PRKN: variants seen among roughly 807,000 people sequenced by gnomAD.
The protein encoded by PRKN is parkin RBR E3 ubiquitin protein ligase.
PRKN carries 56 observed loss-of-function variants against 59.5 expected under a neutral mutation model. The ratio of observed to expected loss-of-function variants is 0.94; its 90% CI spans 0.76 to 1.18. The LOEUF (loss-of-function observed/expected upper bound fraction) is 1.18. PRKN is among the 50% of genes most tolerant of loss of function. The pLI, the probability that PRKN is intolerant of heterozygous loss-of-function variation, is 0.00. For missense variants in PRKN, 657 were observed against 596.4 expected (o/e 1.10, Z -1.06); for synonymous variants, 250 against 222.1 (o/e 1.13, Z -1.12).
At chr6:162,500,322 C>T (rs112178642) in intron 1 of PRKN, among the ~76,000 whole-genome samples, 1 of 152,058 alleles carries the variant, frequency 6.6e-6, no homozygotes, top group Non-Finnish European at 1.5e-5. Flanking sequence ...CAGGCGCCCG[C>T]CACCACGCCC....
At chr6:162,572,853 T>C (rs1780399648) in intron 1 of PRKN, among the ~76,000 whole-genome samples, 1 of 150,556 alleles carries the variant, frequency 6.6e-6, no homozygotes, top group South Asian at 2.1e-4. Flanking sequence ...AAACTCTGCG[T>C]AACCTAAAAA....
At chr6:162,352,483 G>T (rs541960813) in intron 2 of PRKN, among the ~76,000 whole-genome samples, 1 of 152,104 alleles carries the variant, frequency 6.6e-6, no homozygotes, top group South Asian at 2.1e-4. Flanking sequence ...GATAATCTAC[G>T]TGGCAAAAAA....
At chr6:162,698,507 A>T (rs1778044411) in intron 1 of PRKN, among the ~76,000 whole-genome samples, 1 of 152,168 alleles carries the variant, frequency 6.6e-6, no homozygotes. Flanking sequence ...CATGAGCATG[A>T]GGACCCCAAG....
At chr6:161,495,597 A>C (rs1777719501) in intron 9 of PRKN, among the ~76,000 whole-genome samples, 1 of 152,230 alleles carries the variant, frequency 6.6e-6, no homozygotes, top group South Asian at 2.1e-4. Flanking sequence ...GCTGGAAGGC[A>C]GGTATGGTGC....
intron 7 of PRKN, among the ~76,000 whole-genome samples, chr6:161,694,041 AC>A (rs1485404592): frequency 6.6e-6 from 1 of 152,210 alleles, no homozygotes; most frequent in Non-Finnish European, 1.5e-5. Flanking sequence ...GAATGGTGTT[AC>A]CTCAAGCATT....
chr6:162,359,384 G>C (rs112880618), intron 2 of PRKN, among the ~76,000 whole-genome samples: 4 of 152,000 alleles, frequency 2.6e-5, no homozygotes, highest in African/African-American at 9.6e-5. Flanking sequence ...GGTGGAAAAT[G>C]GGGCTGACAG....
chr6:161,598,979 G>C (rs1475365307), intron 7 of PRKN, among the ~76,000 whole-genome samples: 2 of 152,174 alleles, frequency 1.3e-5, no homozygotes, highest in Non-Finnish European at 2.9e-5. Context: ...AAGAAGAAAA[G>C]AGACACAAAG....
chr6:162,563,292 A>G (rs749314375), intron 1 of PRKN, among the ~76,000 whole-genome samples: 1 of 150,386 alleles, frequency 6.6e-6, no homozygotes, highest in Admixed American at 6.7e-5. Flanking sequence ...CGACAGAGCG[A>G]GACTCCATCT....
At chr6:161,767,385 C>T (rs1000955822) in intron 7 of PRKN, among the ~76,000 whole-genome samples, 6 of 152,234 alleles carry the variant, frequency 3.9e-5, no homozygotes, top group South Asian at 2.1e-4. Context: ...GGTGTGGTGG[C>T]GGGCGCCTGT....
chr6:161,806,313 G>A lies in PRKN; in HGVS notation c.735-20405C>T, dbSNP rs80012278. Among the ~76,000 whole-genome samples, 1,438 of 152,256 alleles carry A rather than the reference G, an allele frequency of 9.4e-3. 21 individuals carry two copies. The highest frequency in any genetic ancestry group is 0.039 in the South Asian group (190 of 4,824). The stretch of plus-strand genomic sequence containing the variant: ...TGACGGGCCCTGATATCGCACACAG[G>A]AACAGCACTCACGGTTGTGGCTTCC... On this transcript the variant is annotated intron_variant, in intron 6 of 11. Coordinates refer to ENST00000366898, the MANE Select transcript of PRKN (RefSeq NM_004562.3).
At position 161,566,437 on chromosome 6, in the gene PRKN, C is replaced by T. The variant is rs963748161; in HGVS notation, c.933+2918G>A. On this transcript the variant is annotated intron_variant, in intron 8 of 11. Coordinates refer to ENST00000366898, the MANE Select transcript of PRKN (RefSeq NM_004562.3). The surrounding 1 kb of genome is among the most constrained non-coding windows in gnomAD (Gnocchi z 4.1). ...TTATTATTTTTCTGAGACAGAGTCT[C>T]ACTCTGTCACCCAGGCTGGAGTGCA... 3.3e-5 allele frequency among the ~76,000 whole-genome samples: 5 copies of T among 152,134 alleles called. No homozygotes were observed. The highest frequency in any genetic ancestry group is 7.2e-5 in the African/African-American group (3 of 41,428).
rs1781223794 is a variant in PRKN at position 161,578,635 on chromosome 6, C to A, written c.872-9219G>T. ...GATCCCCAGGCTCTATGAACACCCT[C>A]CCCTGACCTCTCTTTCCTGTGACAC... On this transcript the variant is annotated intron_variant, in intron 7 of 11. Coordinates refer to ENST00000366898, the MANE Select transcript of PRKN (RefSeq NM_004562.3). This position sits in a 1 kb window ranked among gnomAD's most constrained non-coding sequence, Gnocchi z 4.2. Among the ~76,000 whole-genome samples the A allele has an allele frequency of 6.6e-6, 1 of 152,174 alleles. No individual in the cohort carries two copies. Among genetic ancestry groups the A allele is most frequent in the Admixed American group, 6.5e-5 (1 of 15,268 alleles).
chr6:161,524,518 T>G (rs2115367230), intron 9 of PRKN, among the ~76,000 whole-genome samples: 1 of 152,230 alleles, frequency 6.6e-6, no homozygotes, highest in Middle Eastern at 3.4e-3. Flanking sequence ...GCTAATTTTT[T>G]TTAGTATATT....
rs1201063263 is a variant in PRKN at position 161,487,382 on chromosome 6, G to C, written c.1083+61472C>G. On this transcript the variant is annotated intron_variant, in intron 9 of 11. Transcript: ENST00000366898. This position sits in a 1 kb window ranked among gnomAD's most constrained non-coding sequence, Gnocchi z 5.3. Reference sequence around the variant, plus strand: ...GCCCATCTGTGTGAGCCAAGGCAAGGAAGACAGTCTGGGGCCTGTGGGATG... The same window carrying C: ...GCCCATCTGTGTGAGCCAAGGCAAGCAAGACAGTCTGGGGCCTGTGGGATG... 6.6e-6 allele frequency among the ~76,000 whole-genome samples: 1 copy of C among 152,174 alleles called. No homozygotes were observed. The highest frequency in any genetic ancestry group is 2.4e-5 in the African/African-American group (1 of 41,450).
intron 3 of PRKN, among the ~76,000 whole-genome samples, chr6:162,247,138 TTG>T (rs1206546423): frequency 1.3e-5 from 2 of 152,174 alleles, no homozygotes; most frequent in African/African-American, 4.8e-5. Context: ...GCTAAAATGT[TTG>T]TGTTTGACAC....
chr6:161,730,007 T>C (rs1240940824), intron 7 of PRKN, among the ~76,000 whole-genome samples: 1 of 152,262 alleles, frequency 6.6e-6, no homozygotes, highest in Non-Finnish European at 1.5e-5. Flanking sequence ...ATATGTTGCA[T>C]TCTTTCTGAT....
At chr6:162,074,277 T>C (rs1778718967) in intron 4 of PRKN, among the ~76,000 whole-genome samples, 1 of 127,098 alleles carries the variant, frequency 7.9e-6, no homozygotes, top group African/African-American at 3.1e-5. Flanking sequence ...GTGGCACATA[T>C]ACACCATGGA....
chr6:161,430,289 G>T (rs370333974), intron 9 of PRKN, among the ~76,000 whole-genome samples: 1 of 152,314 alleles, frequency 6.6e-6, no homozygotes. Flanking sequence ...ATCCATGAGG[G>T]TAGAGTCCTT....
intron 7 of PRKN, among the ~76,000 whole-genome samples, chr6:161,608,390 G>A (rs1349220977): frequency 6.6e-6 from 1 of 152,100 alleles, no homozygotes. Flanking sequence ...TTTAATAGAG[G>A]AGGTGTGTGT....
Sources: gnomAD v4.1 joint callset for allele counts (sites outside exome capture counted in the v4.1 genomes callset) on GRCh38, gnomAD v4.1.1 for gene constraint, Gnocchi (gnomAD v3.1) non-coding constraint, MANE v1.5 for transcripts, NCBI Gene and HGNC (gene_info 2026-07-23, HGNC 2026-07-21) for gene names.